ROBO2: variants seen among roughly 807,000 people sequenced by gnomAD.
The protein encoded by ROBO2 is roundabout guidance receptor 2.
ROBO2 carries 53 observed loss-of-function variants against 160.8 expected under a neutral mutation model. That is an observed-to-expected ratio of 0.33 (90% CI 0.26 to 0.41). ROBO2 has a LOEUF of 0.41. ROBO2 is among the 10% of genes least tolerant of loss of function. ROBO2 has a pLI of 1.00. For synonymous variants in ROBO2, 664 were observed against 611.7 expected (o/e 1.09, Z -1.26); for missense variants, 1,577 against 1,722.4 (o/e 0.92, Z 1.49).
intron 2 of ROBO2, among the ~76,000 whole-genome samples, chr3:77,211,090 T>G (rs2084085051): frequency 6.6e-6 from 1 of 152,192 alleles, no homozygotes; most frequent in South Asian, 2.1e-4. Context: ...TTGTAATCCT[T>G]TGGGTATATA....
chr3:77,206,107 C>T (rs905836474), intron 2 of ROBO2, among the ~76,000 whole-genome samples: 1 of 152,100 alleles, frequency 6.6e-6, no homozygotes, highest in Non-Finnish European at 1.5e-5. Context: ...ATGCTGTCTT[C>T]GCTTTTTTTC....
At chr3:77,139,753 A>G (rs1412299987) in intron 2 of ROBO2, among the ~76,000 whole-genome samples, 1 of 152,174 alleles carries the variant, frequency 6.6e-6, no homozygotes, top group Non-Finnish European at 1.5e-5. Flanking sequence ...AAGACCTTTC[A>G]TCCCCACTTT....
At chr3:76,840,645 T>TTATATATATATATA (rs3068959) in intron 2 of ROBO2, among the ~76,000 whole-genome samples, 21 of 134,976 alleles carry the variant, frequency 1.6e-4, no homozygotes, top group African/African-American at 4.7e-4. Flanking sequence ...TAATTATATT[T>TTATATATATATATA]TATATATATA....
chr3:76,512,023 C>T (rs2081117148), intron 2 of ROBO2, among the ~76,000 whole-genome samples: 3 of 152,140 alleles, frequency 2.0e-5, no homozygotes, highest in Admixed American at 2.0e-4. Context: ...GTGTGGTGGG[C>T]TTACTGAAGG....
intron 2 of ROBO2, among the ~76,000 whole-genome samples, chr3:76,310,803 C>T (rs940126778): frequency 6.6e-6 from 1 of 152,130 alleles, no homozygotes; most frequent in African/African-American, 2.4e-5. Flanking sequence ...CAGCACTACC[C>T]ACCCAAGTGG....
chr3:76,249,823 A>AT (rs1705876472), intron 2 of ROBO2, among the ~76,000 whole-genome samples: 1 of 152,122 alleles, frequency 6.6e-6, no homozygotes, highest in Admixed American at 6.6e-5. Context: ...TTCTCAAAGG[A>AT]TATTTGAAGA....
intron 2 of ROBO2, among the ~76,000 whole-genome samples, chr3:76,665,276 A>G (rs2091975613): frequency 6.6e-6 from 1 of 152,128 alleles, no homozygotes; most frequent in Non-Finnish European, 1.5e-5. Context: ...TATTTCATAT[A>G]TGTTATTGAA....
chr3:77,617,866 C>A, intron 22 of ROBO2, 93 bp downstream of exon 23: 3 of 1,325,312 alleles, frequency 2.3e-6, no homozygotes, highest in East Asian at 2.4e-5. Context: ...TAGAACTACA[C>A]AGCTAGGGTT....
At chr3:77,242,917 G>A (rs765845727) in intron 2 of ROBO2, among the ~76,000 whole-genome samples, 9 of 151,192 alleles carry the variant, frequency 6.0e-5, no homozygotes, top group East Asian at 1.9e-4. Context: ...AAATGAGAGC[G>A]GTAACATCAG....
chr3:77,462,216 C>G (rs979873971), intron 2 of ROBO2, among the ~76,000 whole-genome samples: 5 of 152,110 alleles, frequency 3.3e-5, no homozygotes, highest in Non-Finnish European at 7.4e-5. Flanking sequence ...TTAGAACCTC[C>G]TCACTCAATA....
intron 2 of ROBO2, among the ~76,000 whole-genome samples, chr3:76,303,675 A>G (rs1027402): frequency 0.72 from 109,534 of 152,032 alleles, 44,165 homozygotes; most frequent in Non-Finnish European, 0.92. Context: ...CATATTATGA[A>G]GTAAAACACA....
intron 2 of ROBO2, among the ~76,000 whole-genome samples, chr3:76,454,391 T>G (rs941024755): frequency 6.6e-6 from 1 of 152,208 alleles, no homozygotes; most frequent in African/African-American, 2.4e-5. Flanking sequence ...AAAGCATCAT[T>G]AGCATAGATG....
rs143891720 is a variant in ROBO2 at position 76,487,355 on chromosome 3, G to A, written c.109+549753G>A. 4.8e-3 allele frequency among the ~76,000 whole-genome samples: 734 copies of A among 151,802 alleles called. 9 individuals are homozygous for A. Among genetic ancestry groups the A allele is most frequent in the African/African-American group, 0.017 (697 of 41,388 alleles). On this transcript the variant is annotated intron_variant, in intron 2 of 26. Coordinates refer to the ROBO2 transcript ENST00000487694. Reference sequence around the variant, plus strand: ...GTGGACCTCAGTGACATAACCTATGGGCTTAAAAGGGGGATAAAAACGTAT... The same window carrying A: ...GTGGACCTCAGTGACATAACCTATGAGCTTAAAAGGGGGATAAAAACGTAT...
At chr3:77,281,261 T>C (rs920420579) in intron 2 of ROBO2, among the ~76,000 whole-genome samples, 2 of 152,216 alleles carry the variant, frequency 1.3e-5, no homozygotes, top group Non-Finnish European at 1.5e-5. Flanking sequence ...TTGTCCAGAT[T>C]AGATTTGCTG....
chr3:76,047,424 C>T (rs1458662789), intron 2 of ROBO2, among the ~76,000 whole-genome samples: 1 of 152,114 alleles, frequency 6.6e-6, no homozygotes, highest in Non-Finnish European at 1.5e-5. Context: ...ATGAAAAGAC[C>T]TAACCTGCAC....
At chr3:77,628,959 T>C (rs931886632) in intron 23 of ROBO2, among the ~76,000 whole-genome samples, 1 of 152,244 alleles carries the variant, frequency 6.6e-6, no homozygotes, top group Admixed American at 6.5e-5. Flanking sequence ...CTGACGTTCT[T>C]TCTGTATTTA....
At chr3:76,912,416 G>A (rs1466487102) in intron 2 of ROBO2, among the ~76,000 whole-genome samples, 1 of 152,110 alleles carries the variant, frequency 6.6e-6, no homozygotes, top group Non-Finnish European at 1.5e-5. Flanking sequence ...AAAAATCACA[G>A]GGACAACCCA....
At position 76,099,401 on chromosome 3, in the gene ROBO2, A is replaced by G. The variant is rs1012253644; in HGVS notation, c.109+161799A>G. ...AGCATAGATCTGCATTTTGTGCTGA[A>G]AAAAAAAAATGTAATTACCAAATCA... is the stretch of plus-strand genomic sequence containing the variant. On this transcript the variant is annotated intron_variant, in intron 2 of 26. Coordinates refer to the ROBO2 transcript ENST00000487694. 1.1e-3 allele frequency among the ~76,000 whole-genome samples: 6 copies of G among 5,458 alleles called. No individual in the cohort carries two copies. The African/African-American group carries it at 0.031, about 28-fold the overall frequency. The allele number at this position is 5,458 out of a possible 152,430, so 3.6% of individuals were successfully genotyped here.
chr3:76,945,525 C>T (rs2078477843), intron 2 of ROBO2, among the ~76,000 whole-genome samples: 1 of 152,076 alleles, frequency 6.6e-6, no homozygotes, highest in South Asian at 2.1e-4. Flanking sequence ...GTTTTCTTCC[C>T]CACCCCAAAC....
Sources: allele counts gnomAD v4.1 joint callset (sites outside exome capture counted in the v4.1 genomes callset), GRCh38; gene constraint gnomAD v4.1.1; transcripts MANE v1.5; gene names NCBI Gene and HGNC (gene_info 2026-07-23, HGNC 2026-07-21).